Variants in DLGAP3 observed in about 807,000 individuals in gnomAD.
The protein encoded by DLGAP3 is DLG associated protein 3, also known as disks large-associated protein 3.
A neutral mutation model predicts 81.2 loss-of-function variants in DLGAP3; 17 were observed. That is an observed-to-expected ratio of 0.21 (90% confidence interval 0.14 to 0.31). The LOEUF is 0.31. Among genes scored for constraint, DLGAP3 ranks in the 10% least tolerant of loss-of-function variants. The pLI is 1.00. For synonymous variants in DLGAP3, 577 were observed against 587.4 expected (o/e 0.98, Z 0.26); for missense variants, 1,124 against 1,388.0 (o/e 0.81, Z 3.02).
At chr1:34,903,672 G>A (rs1332243134) in intron 3 of DLGAP3, among the ~76,000 whole-genome samples, 2 of 152,138 alleles carry the variant, frequency 1.3e-5, no homozygotes, top group Non-Finnish European at 2.9e-5. Context: ...TTGTATCAGG[G>A]CTGAAACCCA....
At chr1:34,927,765 T>C (rs1013712512) in intron 1 of DLGAP3, among the ~76,000 whole-genome samples, 9 of 150,638 alleles carry the variant, frequency 6.0e-5, no homozygotes, top group Non-Finnish European at 1.3e-4. Context: ...CAGGGAATGC[T>C]GCGCAGTGGT....
chr1:34,904,504 C>T lies in DLGAP3; in HGVS notation c.880G>A (p.Gly294Arg). 1 of 1,614,226 alleles carries T rather than the reference C, an allele frequency of 6.2e-7. No homozygotes were observed. The highest frequency in any genetic ancestry group is 8.5e-7 in the Non-Finnish European group (1 of 1,180,038). ...GGPFCLEGPD[G>R]SYRDLSFKGR... The stretch of plus-strand genomic sequence containing the variant: ...TTGAAGCTCAAGTCCCGGTAGGACC[C>T]ATCTGGACCCTCCAGGCAGAAGGGA... Residue 294 changes from glycine (G) to arginine (R), a missense_variant, in exon 3 of 12, where the codon GGG (glycine) becomes AGG (arginine). Coordinates refer to ENST00000373347, the MANE Select transcript of DLGAP3 (RefSeq NM_001080418.3). This position sits in a 1 kb window ranked among gnomAD's most constrained non-coding sequence, Gnocchi z 8.1.
Position 34,929,590 on chromosome 1 carries a change from C to T in DLGAP3, c.-274G>A, listed in dbSNP as rs1433737614. The T allele has an allele frequency of 6.6e-6, 1 of 150,668 alleles. No individual in the cohort carries two copies. The highest frequency in any genetic ancestry group is 1.5e-5 in the Non-Finnish European group (1 of 67,556). The allele number at this position is 150,668 out of a possible 1,614,324, so 9.3% of individuals were successfully genotyped here. A position where few individuals can be genotyped will look rare whatever the true frequency, so the allele number is the denominator to read the frequency against. On this transcript the variant is annotated 5_prime_UTR_variant, in exon 1 of 12. Transcript: ENST00000373347. The surrounding 1 kb of genome is among the most constrained non-coding windows in gnomAD (Gnocchi z 6.5). ...TGAGGGGCCGCGCCGGCTGCGGAGCCCCAAGCGAGCGCCGAGCGGCAGCGG... is the reference window on the plus strand; with the variant it reads ...TGAGGGGCCGCGCCGGCTGCGGAGCTCCAAGCGAGCGCCGAGCGGCAGCGG...
chr1:34,875,158 G>A (rs1324550382), intron 8 of DLGAP3, among the ~76,000 whole-genome samples: 2 of 152,124 alleles, frequency 1.3e-5, no homozygotes, highest in Admixed American at 6.5e-5. Context: ...ATAACTTAAT[G>A]GGTATGGAAG....
chr1:34,921,253 A>T (rs1639791131), intron 1 of DLGAP3, among the ~76,000 whole-genome samples: 1 of 152,134 alleles, frequency 6.6e-6, no homozygotes, highest in South Asian at 2.1e-4. Context: ...GCAAGACCTC[A>T]TTTTCCTCTG....
At chr1:34,887,459 G>A (rs183669933) in intron 5 of DLGAP3, among the ~76,000 whole-genome samples, 1 of 152,034 alleles carries the variant, frequency 6.6e-6, no homozygotes, top group East Asian at 1.9e-4. Context: ...AATTTTGTTG[G>A]TGGAACTGTG....
At chr1:34,913,776 G>A (rs1056468791) in intron 1 of DLGAP3, among the ~76,000 whole-genome samples, 7 of 152,008 alleles carry the variant, frequency 4.6e-5, no homozygotes, top group African/African-American at 7.3e-5. Context: ...TATGTACAAC[G>A]GCCCACAGAA....
chr1:34,866,671 C>T (rs958248269), intron 11 of DLGAP3, among the ~76,000 whole-genome samples: 1 of 152,186 alleles, frequency 6.6e-6, no homozygotes, highest in Non-Finnish European at 1.5e-5. Context: ...GGTCCAGGGA[C>T]CTGGCGGCTG....
At chr1:34,878,599 G>C (rs1024406514) in intron 8 of DLGAP3, among the ~76,000 whole-genome samples, 1 of 152,022 alleles carries the variant, frequency 6.6e-6, no homozygotes, top group Non-Finnish European at 1.5e-5. Flanking sequence ...AAAGTTACCA[G>C]GGAAAATGAC....
intron 1 of DLGAP3, among the ~76,000 whole-genome samples, chr1:34,918,177 C>T (rs1639745126): frequency 1.3e-5 from 2 of 152,184 alleles, no homozygotes; most frequent in Admixed American, 1.3e-4. Flanking sequence ...GCCACAGGCT[C>T]CCTTTCCATG....
rs778741229 is a variant in DLGAP3 at position 34,891,583 on chromosome 1, C to T, written c.1387-5298G>A. Among the ~76,000 whole-genome samples, 4 of 152,194 alleles carry T rather than the reference C, an allele frequency of 2.6e-5. No homozygotes were observed. In the South Asian group the frequency reaches 8.3e-4, roughly 32 times the overall value. ...ACCCACACATCCCTAGCCAATGGAG[C>T]TTATATATGTGTGCAGGGGAAATAA... is the stretch of plus-strand genomic sequence containing the variant. On this transcript the variant is annotated intron_variant, in intron 5 of 11. Coordinates refer to ENST00000373347, the MANE Select transcript of DLGAP3 (RefSeq NM_001080418.3).
Position 34,904,327 on chromosome 1 carries a change from G to C in DLGAP3, c.1057C>G (p.Leu353Val). The C allele has an allele frequency of 1.2e-6, 2 of 1,610,590 alleles. No homozygotes were observed. The highest frequency in any genetic ancestry group is 1.7e-6 in the Non-Finnish European group (2 of 1,180,026). Residue 353 changes from leucine (L) to valine (V), a missense_variant, in exon 3 of 12, where the codon CTC (leucine) becomes GTC (valine). Around this residue, in one of 9 missense-constraint regions of DLGAP3, gnomAD observed 357 missense variants for 408.8 expected, o/e 0.87. Transcript: ENST00000373347. The surrounding 1 kb of genome is among the most constrained non-coding windows in gnomAD (Gnocchi z 8.1). ...GYPGAGPGKG[L>V]LGPETKAKAR... is the part of the protein sequence containing the mutation. ...TTGGCCTTGGTCTCCGGACCCAGGA[G>C]CCCCTTGCCTGGCCCGGCCCCCGGG...
At chr1:34,926,136 A>G (rs1279325572) in intron 1 of DLGAP3, among the ~76,000 whole-genome samples, 1 of 152,200 alleles carries the variant, frequency 6.6e-6, no homozygotes, top group Non-Finnish European at 1.5e-5. Flanking sequence ...CTATGTAACC[A>G]TATGTGTAAA....
chr1:34,884,940 C>T, intron 8 of DLGAP3, 38 bp downstream of exon 8: 1 of 1,480,190 alleles, frequency 6.8e-7, no homozygotes, highest in Non-Finnish European at 9.4e-7. Context: ...CTCCTCCTGT[C>T]TCCCAGCGAA....
At chr1:34,923,097 A>T (rs1639820133) in intron 1 of DLGAP3, among the ~76,000 whole-genome samples, 1 of 152,112 alleles carries the variant, frequency 6.6e-6, no homozygotes, top group South Asian at 2.1e-4. Flanking sequence ...CGTATATGCA[A>T]CCCCTTAACT....
At chr1:34,893,722 T>C (rs1474100837) in intron 5 of DLGAP3, among the ~76,000 whole-genome samples, 2 of 152,228 alleles carry the variant, frequency 1.3e-5, no homozygotes, top group Non-Finnish European at 2.9e-5. Flanking sequence ...ATATACATTG[T>C]AATTCCTAGT....
rs1639206075 is a variant in DLGAP3 at position 34,885,461 on chromosome 1, G to A, written c.1914+17C>T. The A allele has an allele frequency of 1.2e-6, 2 of 1,604,136 alleles. No homozygotes were observed. Among genetic ancestry groups the A allele is most frequent in the African/African-American group, 1.3e-5 (1 of 75,028 alleles). On this transcript the variant is annotated intron_variant, in intron 7 of 11. Coordinates refer to ENST00000373347, the MANE Select transcript of DLGAP3 (RefSeq NM_001080418.3). ...GACCAGGGTCAGAGCCCTCGTGGGC[G>A]CCTCCCCGTTCCATACCTGCACCCC...
chr1:34,899,057 C>T (rs1164576258), intron 5 of DLGAP3, among the ~76,000 whole-genome samples: 4 of 150,854 alleles, frequency 2.7e-5, no homozygotes, highest in Middle Eastern at 3.4e-3. Flanking sequence ...TGCAGCTTGG[C>T]CTGCGCCCTG....
Position 34,900,410 on chromosome 1 carries a change from G to A in DLGAP3, c.1108-137C>T. 2 of 878,468 alleles carry A rather than the reference G, an allele frequency of 2.3e-6. No homozygotes were observed. 54.4% of individuals were successfully genotyped at this position (878,468 alleles called of 1,614,324 possible). A position where few individuals can be genotyped will look rare whatever the true frequency, so the allele number is the denominator to read the frequency against. Reference sequence around the variant, plus strand: ...CTCAGGTACATGCAGAGGCAGAAGGGGAGGTAGGGTCTCAGGCTGTCCCCG... The same window carrying A: ...CTCAGGTACATGCAGAGGCAGAAGGAGAGGTAGGGTCTCAGGCTGTCCCCG... On this transcript the variant is annotated intron_variant, in intron 3 of 11. Transcript: ENST00000373347. The surrounding 1 kb of genome is among the most constrained non-coding windows in gnomAD (Gnocchi z 5.6).
Sources: allele counts gnomAD v4.1 joint callset (sites outside exome capture counted in the v4.1 genomes callset), GRCh38; gene constraint gnomAD v4.1.1; regional missense constraint gnomAD v4.1.1; non-coding constraint Gnocchi (gnomAD v3.1); transcripts MANE v1.5; gene names NCBI Gene and HGNC (gene_info 2026-07-23, HGNC 2026-07-21).